AUTS2: variants seen among roughly 807,000 people sequenced by gnomAD.
AUTS2 encodes the protein autism susceptibility gene 2 protein.
A neutral mutation model predicts 112.4 loss-of-function variants in AUTS2; 17 were observed. The ratio of observed to expected loss-of-function variants is 0.15; its 90% CI spans 0.10 to 0.23. AUTS2 has a LOEUF of 0.23. Ranked by LOEUF, AUTS2 falls within the 10% of genes least tolerant of loss-of-function variation. The probability of loss-of-function intolerance (pLI) is 1.00; values close to 1 mark genes in which losing one functional copy is unlikely to be tolerated. For missense variants in AUTS2, 1,510 were observed against 1,701.6 expected, an observed-to-expected ratio of 0.89 and a Z score of 1.98; for synonymous variants, 751 against 702.7, an observed-to-expected ratio of 1.07 and a Z score of -1.09.
At chr7:70,758,966 G>A (rs201343814) in intron 6 of AUTS2, among the ~76,000 whole-genome samples, 4 of 152,274 alleles carry the variant, frequency 2.6e-5, no homozygotes, top group East Asian at 1.9e-4. Flanking sequence ...TTCAGCCCCC[G>A]AAGTTCTTAC....
At chr7:70,099,313 C>T (rs896453441) in intron 2 of AUTS2, among the ~76,000 whole-genome samples, 6 of 152,146 alleles carry the variant, frequency 3.9e-5, no homozygotes, top group Non-Finnish European at 7.3e-5. Flanking sequence ...TAGGTAAAGG[C>T]AGATTTTCTT....
intron 5 of AUTS2, among the ~76,000 whole-genome samples, chr7:70,601,024 C>A (rs895405927): frequency 6.6e-6 from 1 of 152,174 alleles, no homozygotes; most frequent in Non-Finnish European, 1.5e-5. Flanking sequence ...TTCTTCAATT[C>A]TCTTGGGTCA....
rs529602749 is a variant in AUTS2, at chr7:70,363,181, A to G, written c.661-72571A>G. On this transcript the variant is annotated intron_variant, in intron 4 of 18. Coordinates refer to ENST00000342771, the MANE Select transcript of AUTS2 (RefSeq NM_015570.4). ...ACATCTGTTTGGATCCATTCTGTGGATTCAAAATCATGTAGATCACCAGTC... is the reference window on the plus strand; with the variant it reads ...ACATCTGTTTGGATCCATTCTGTGGGTTCAAAATCATGTAGATCACCAGTC... 2.2e-4 allele frequency among the ~76,000 whole-genome samples: 34 copies of G among 152,340 alleles called. No individual in the cohort carries two copies. In the East Asian group the frequency reaches 6.4e-3, roughly 29 times the overall value.
intron 1 of AUTS2, among the ~76,000 whole-genome samples, chr7:69,793,174 C>A (rs1782985897): frequency 6.6e-6 from 1 of 152,164 alleles, no homozygotes. Context: ...TCCAGGCCTA[C>A]TAGGGAAGAG....
chr7:70,612,959 A>T (rs889809023), intron 5 of AUTS2, among the ~76,000 whole-genome samples: 5 of 152,002 alleles, frequency 3.3e-5, no homozygotes, highest in South Asian at 2.1e-4. Context: ...TAAGAGATTT[A>T]TGTGGAGGTC....
At chr7:70,308,821 T>G (rs1354165252) in intron 4 of AUTS2, among the ~76,000 whole-genome samples, 2 of 152,170 alleles carry the variant, frequency 1.3e-5, no homozygotes, top group Non-Finnish European at 1.5e-5. Context: ...GTAGGTGAAG[T>G]GCACACTGAT....
chr7:70,480,674 C>A (rs148388063), intron 5 of AUTS2, among the ~76,000 whole-genome samples: 1 of 152,154 alleles, frequency 6.6e-6, no homozygotes, highest in African/African-American at 2.4e-5. Context: ...GGATCCCATA[C>A]CTTTGTACCT....
intron 2 of AUTS2, among the ~76,000 whole-genome samples, chr7:70,017,709 C>T (rs1343537591): frequency 6.6e-6 from 1 of 152,070 alleles, no homozygotes; most frequent in Non-Finnish European, 1.5e-5. Flanking sequence ...ATCAAACTAG[C>T]CATCACTGCG....
At chr7:70,349,907 C>A (rs1791671336) in intron 4 of AUTS2, among the ~76,000 whole-genome samples, 1 of 152,206 alleles carries the variant, frequency 6.6e-6, no homozygotes, top group South Asian at 2.1e-4. Context: ...ATAAGTTAAT[C>A]TTTTCTGGAA....
intron 5 of AUTS2, among the ~76,000 whole-genome samples, chr7:70,635,760 A>G (rs1805502022): frequency 6.6e-6 from 1 of 152,290 alleles, no homozygotes; most frequent in Admixed American, 6.5e-5. Flanking sequence ...CCTGCTTAAC[A>G]TGACTAAGGA....
At chr7:70,390,771 G>A (rs888452174) in intron 4 of AUTS2, among the ~76,000 whole-genome samples, 1 of 152,132 alleles carries the variant, frequency 6.6e-6, no homozygotes, top group African/African-American at 2.4e-5. Context: ...GAAAAAGTCA[G>A]ATACTCTGCT....
intron 1 of AUTS2, among the ~76,000 whole-genome samples, chr7:69,603,319 TTC>T (rs1792537087): frequency 6.6e-6 from 1 of 152,194 alleles, no homozygotes; most frequent in South Asian, 2.1e-4. Context: ...GGTTTTGGAC[TTC>T]TCTTTTAAAA....
chr7:70,535,453 C>T (rs1800279001), intron 5 of AUTS2, among the ~76,000 whole-genome samples: 3 of 152,000 alleles, frequency 2.0e-5, no homozygotes, highest in South Asian at 2.1e-4. Flanking sequence ...CTCACTCTGT[C>T]GCCCAGGCTA....
intron 1 of AUTS2, among the ~76,000 whole-genome samples, chr7:69,742,262 A>G (rs1358098161): frequency 6.6e-6 from 1 of 151,940 alleles, no homozygotes; most frequent in Non-Finnish European, 1.5e-5. Context: ...GCGAGTGCCT[A>G]TTGGTAGTAA....
intron 1 of AUTS2, among the ~76,000 whole-genome samples, chr7:69,686,939 A>G (rs1035263824): frequency 2.6e-5 from 4 of 152,222 alleles, no homozygotes; most frequent in Non-Finnish European, 5.9e-5. Flanking sequence ...GTATCCCATA[A>G]GCTTTAAAAA....
At chr7:69,629,324 T>A (rs935610783) in intron 1 of AUTS2, among the ~76,000 whole-genome samples, 1 of 152,216 alleles carries the variant, frequency 6.6e-6, no homozygotes, top group African/African-American at 2.4e-5. Flanking sequence ...GGAGCTGTGG[T>A]ACTCCCTTTC....
chr7:69,962,409 C>G (rs563154030), intron 2 of AUTS2, among the ~76,000 whole-genome samples: 34 of 152,168 alleles, frequency 2.2e-4, no homozygotes, highest in Middle Eastern at 3.4e-3. Flanking sequence ...CTCCGTCCCC[C>G]TAAAGATTTA....
intron 5 of AUTS2, among the ~76,000 whole-genome samples, chr7:70,550,829 C>T (rs754618446): frequency 8.5e-5 from 13 of 152,132 alleles, no homozygotes; most frequent in African/African-American, 2.4e-4. Flanking sequence ...CTGAAAGAAA[C>T]GGACACCCCA....
chr7:69,874,312 C>T (rs190302471), intron 1 of AUTS2, among the ~76,000 whole-genome samples: 1 of 152,114 alleles, frequency 6.6e-6, no homozygotes, highest in Admixed American at 6.5e-5. Context: ...TATACTTACT[C>T]CAGAGGTGGG....
Sources: gnomAD v4.1 joint callset for allele counts (sites outside exome capture counted in the v4.1 genomes callset) on GRCh38, gnomAD v4.1.1 for gene constraint, MANE v1.5 for transcripts, NCBI Gene and HGNC (gene_info 2026-07-23, HGNC 2026-07-21) for gene names.